The following OR3A2 variants were observed in gnomAD, a reference collection of about 807,000 sequenced individuals.
The protein encoded by OR3A2 is olfactory receptor family 3 subfamily A member 2.
For synonymous variants in OR3A2, 126 were observed against 159.3 expected (o/e 0.79, Z 1.57); for missense variants, 318 against 392.8 (o/e 0.81, Z 1.61).
chr17:3,304,376 T>G (rs2048986770), intron 3 of OR3A2, among the ~76,000 whole-genome samples: 1 of 152,226 alleles, frequency 6.6e-6, no homozygotes, highest in African/African-American at 2.4e-5. Context: ...ACAGCCAGCC[T>G]GAACTCTGTC....
intron 2 of OR3A2, among the ~76,000 whole-genome samples, chr17:3,346,565 AT>A (rs1213497934): frequency 2.0e-5 from 3 of 152,062 alleles, no homozygotes; most frequent in Non-Finnish European, 4.4e-5. Context: ...TATTTCAGTT[AT>A]TTCAAAATGT....
At chr17:3,320,609 T>C (rs1048165451) in intron 3 of OR3A2, among the ~76,000 whole-genome samples, 3 of 149,272 alleles carry the variant, frequency 2.0e-5, no homozygotes, top group African/African-American at 4.9e-5. Context: ...CTAGCCAGTT[T>C]TCCCAGCACC....
At chr17:3,378,775 C>T (rs2049707562) in intron 2 of OR3A2, among the ~76,000 whole-genome samples, 1 of 152,188 alleles carries the variant, frequency 6.6e-6, no homozygotes. Context: ...TACCACTTCC[C>T]CCCGGAAGTT....
intron 3 of OR3A2, among the ~76,000 whole-genome samples, chr17:3,315,755 G>GGC (rs1555526598): frequency 8.5e-5 from 12 of 141,250 alleles, no homozygotes; most frequent in African/African-American, 2.9e-4. Context: ...AAAATATGGG[G>GGC]GGGGGGGCGG....
At chr17:3,370,033 A>G (rs1422436689) in intron 2 of OR3A2, among the ~76,000 whole-genome samples, 1 of 152,080 alleles carries the variant, frequency 6.6e-6, no homozygotes, top group Non-Finnish European at 1.5e-5. Flanking sequence ...CGAACTCATG[A>G]GCTCAGTGAT....
intron 2 of OR3A2, among the ~76,000 whole-genome samples, chr17:3,362,310 CTTCT>C (rs1237265436): frequency 1.3e-5 from 2 of 151,310 alleles, no homozygotes; most frequent in East Asian, 3.9e-4. Flanking sequence ...TCTCTCTTTT[CTTCT>C]TTATTAGTCT....
chr17:3,337,648 C>T (rs2049283556), intron 2 of OR3A2, among the ~76,000 whole-genome samples: 1 of 152,076 alleles, frequency 6.6e-6, no homozygotes, highest in Admixed American at 6.5e-5. Context: ...TGTAAATGTG[C>T]CACATTTTCT....
chr17:3,359,790 T>C (rs1002401355), intron 2 of OR3A2, among the ~76,000 whole-genome samples: 8 of 151,752 alleles, frequency 5.3e-5, no homozygotes, highest in Non-Finnish European at 1.2e-4. Flanking sequence ...ATGGTGTGTA[T>C]GTGCCACATT....
chr17:3,367,419 G>A (rs910972605), intron 2 of OR3A2, among the ~76,000 whole-genome samples: 12 of 149,156 alleles, frequency 8.0e-5, no homozygotes, highest in East Asian at 7.9e-4. Context: ...ATGCTTTTGC[G>A]TCCTCATAGC....
chr17:3,292,665 C>A, intron 3 of OR3A2: 1 of 1,257,406 alleles, frequency 8.0e-7, no homozygotes, highest in East Asian at 2.5e-5. Flanking sequence ...AAACAGACCC[C>A]CTTCTACTTG....
At chr17:3,364,248 T>C (rs1360965091) in intron 2 of OR3A2, among the ~76,000 whole-genome samples, 1 of 152,218 alleles carries the variant, frequency 6.6e-6, no homozygotes, top group Non-Finnish European at 1.5e-5. Flanking sequence ...AATAATTCTA[T>C]TTATGGGGTA....
intron 2 of OR3A2, among the ~76,000 whole-genome samples, chr17:3,343,295 C>G (rs1421635735): frequency 6.6e-6 from 1 of 152,158 alleles, no homozygotes; most frequent in Non-Finnish European, 1.5e-5. Flanking sequence ...TGAGATGAAC[C>G]AGGTACCTCA....
chr17:3,306,354 C>G (rs1377432993), intron 3 of OR3A2, among the ~76,000 whole-genome samples: 3 of 152,074 alleles, frequency 2.0e-5, no homozygotes, highest in Non-Finnish European at 4.4e-5. Context: ...TTATGTTGCC[C>G]CTGATCTAGA....
At chr17:3,287,426 C>T (rs189304259), upstream of OR3A2, among the ~76,000 whole-genome samples, 39 of 152,138 alleles carry the variant, frequency 2.6e-4, no homozygotes, top group African/African-American at 8.9e-4. Flanking sequence ...TCCATGTGTA[C>T]GCGGTATTGT....
chr17:3,306,108 A>C (rs2676608), intron 3 of OR3A2, among the ~76,000 whole-genome samples: 1 of 151,992 alleles, frequency 6.6e-6, no homozygotes, highest in African/African-American at 2.4e-5. Context: ...ACAAGCCAAC[A>C]GTGGCTGAGC....
intron 2 of OR3A2, among the ~76,000 whole-genome samples, chr17:3,345,450 G>C (rs1457133691): frequency 2.8e-5 from 4 of 141,462 alleles, no homozygotes; most frequent in East Asian, 2.3e-4. Flanking sequence ...TAGAGACAGA[G>C]AGAGAGACCA....
intron 3 of OR3A2, among the ~76,000 whole-genome samples, chr17:3,305,254 T>C (rs888814016): frequency 2.0e-5 from 3 of 148,524 alleles, no homozygotes; most frequent in Admixed American, 2.0e-4. Context: ...TCTTCGTTTT[T>C]TTCCTTCACA....
At chr17:3,294,148 AC>A (rs2048901078) in intron 3 of OR3A2, among the ~76,000 whole-genome samples, 1 of 152,022 alleles carries the variant, frequency 6.6e-6, no homozygotes, top group Non-Finnish European at 1.5e-5. Flanking sequence ...GAAAATTGTT[AC>A]CCAACATTTC....
At chr17:3,340,596 C>G (rs1366539699) in intron 2 of OR3A2, among the ~76,000 whole-genome samples, 1 of 150,396 alleles carries the variant, frequency 6.6e-6, no homozygotes, top group African/African-American at 2.5e-5. Context: ...GTTTCTTAAT[C>G]TTGAATTCTA....
Sources: allele counts gnomAD v4.1 joint callset (sites outside exome capture counted in the v4.1 genomes callset), GRCh38; gene constraint gnomAD v4.1.1; transcripts MANE v1.5; gene names NCBI Gene and HGNC (gene_info 2026-07-23, HGNC 2026-07-21).